Variants in IMMP2L observed in about 807,000 individuals in gnomAD.
The protein encoded by IMMP2L is mitochondrial inner membrane protease subunit 2.
IMMP2L carries 18 observed loss-of-function variants against 19.3 expected under a neutral mutation model. The ratio of observed to expected loss-of-function variants is 0.93; its 90% confidence interval spans 0.64 to 1.38. The LOEUF is 1.38. Ranked by LOEUF, IMMP2L falls within the 40% of genes most tolerant of loss-of-function variation. IMMP2L has a pLI of 0.00. For missense variants in IMMP2L, 233 were observed against 218.2 expected (o/e 1.07, Z -0.43); for synonymous variants, 76 against 73.0 (o/e 1.04, Z -0.21).
Position 110,757,473 on chromosome 7 carries a change from T to A in IMMP2L, c.409-93752A>T, listed in dbSNP as rs1798100907. On this transcript the variant is annotated intron_variant, in intron 5 of 5. Coordinates refer to ENST00000405709, the MANE Select transcript of IMMP2L (RefSeq NM_032549.4). The surrounding 1 kb of genome is among the most constrained non-coding windows in gnomAD (Gnocchi z 4.2). ...ACCAGATACGCTCTCCACATTTCTC[T>A]TGAACTCTTTGTCCCAGGAGGTTAT... Among the ~76,000 whole-genome samples the A allele has an allele frequency of 6.6e-6, 1 of 152,104 alleles. No homozygotes were observed. Among genetic ancestry groups the A allele is most frequent in the Non-Finnish European group, 1.5e-5 (1 of 68,018 alleles).
At chr7:110,964,884 C>T (rs1373396696) in intron 3 of IMMP2L, among the ~76,000 whole-genome samples, 3 of 151,948 alleles carry the variant, frequency 2.0e-5, no homozygotes, top group Admixed American at 1.3e-4. Flanking sequence ...GAAGGAAGGT[C>T]GGCTAACAGT....
intron 5 of IMMP2L, among the ~76,000 whole-genome samples, chr7:110,838,205 C>A (rs1481594818): frequency 6.6e-6 from 1 of 152,032 alleles, no homozygotes; most frequent in Non-Finnish European, 1.5e-5. Context: ...GCATGCACAC[C>A]ACATAAATAC....
intron 4 of IMMP2L, among the ~76,000 whole-genome samples, chr7:110,901,290 T>C (rs1811837060): frequency 6.6e-6 from 1 of 152,138 alleles, no homozygotes; most frequent in African/African-American, 2.4e-5. Context: ...GTATGTATTT[T>C]CAATACATAT....
intron 3 of IMMP2L, among the ~76,000 whole-genome samples, chr7:111,396,684 GATAA>G (rs1204121124): frequency 2.0e-5 from 3 of 151,958 alleles, no homozygotes; most frequent in Non-Finnish European, 4.4e-5. Context: ...AAAAAGAATA[GATAA>G]ATATAGTTAG....
At chr7:111,163,206 C>T (rs891960578) in intron 3 of IMMP2L, among the ~76,000 whole-genome samples, 11 of 152,036 alleles carry the variant, frequency 7.2e-5, no homozygotes, top group African/African-American at 2.7e-4. Flanking sequence ...GAGTGGGCAC[C>T]TTGCTCTAAT....
intron 3 of IMMP2L, among the ~76,000 whole-genome samples, chr7:111,251,003 C>T (rs535994799): frequency 6.6e-6 from 1 of 152,222 alleles, no homozygotes; most frequent in South Asian, 2.1e-4. Context: ...GCAATCTATC[C>T]ATCCGACAAA....
Position 110,811,422 on chromosome 7 carries a change from T to C in IMMP2L, c.408+75171A>G, listed in dbSNP as rs185412183. Among the ~76,000 whole-genome samples, 43 of 152,160 alleles carry C rather than the reference T, an allele frequency of 2.8e-4. No individual in the cohort carries two copies. The East Asian group carries it at 5.8e-3, about 21-fold the overall frequency. ...GTGAGAAATGTGATAAAGGTTCATA[T>C]ATTCATAAACAAATATAAGGGATGG... On this transcript the variant is annotated intron_variant, in intron 5 of 5. Coordinates refer to ENST00000405709, the MANE Select transcript of IMMP2L (RefSeq NM_032549.4).
At chr7:111,332,356 A>G (rs1035740230) in intron 3 of IMMP2L, among the ~76,000 whole-genome samples, 11 of 152,004 alleles carry the variant, frequency 7.2e-5, no homozygotes, top group African/African-American at 2.7e-4. Context: ...CTTTTCAATA[A>G]TTGTGCAGGC....
intron 3 of IMMP2L, among the ~76,000 whole-genome samples, chr7:111,351,273 C>T (rs1032250464): frequency 6.6e-6 from 1 of 152,186 alleles, no homozygotes; most frequent in African/African-American, 2.4e-5. Flanking sequence ...TCACCGCAAC[C>T]TCCGCCTCCT....
At chr7:111,476,315 T>G (rs938144780) in intron 3 of IMMP2L, among the ~76,000 whole-genome samples, 2 of 152,192 alleles carry the variant, frequency 1.3e-5, no homozygotes, top group Non-Finnish European at 2.9e-5. Context: ...ACTTTTTAAA[T>G]TAGTCAATTA....
chr7:111,559,517 G>A (rs1791767089), intron 1 of IMMP2L, among the ~76,000 whole-genome samples: 1 of 152,052 alleles, frequency 6.6e-6, no homozygotes, highest in African/African-American at 2.4e-5. Context: ...CCAAGGCTGT[G>A]GAATGATCTG....
In IMMP2L at chr7:111,100,730, G is replaced by A. The variant is rs189731771; in HGVS notation, c.240-137165C>T. The stretch of plus-strand genomic sequence containing the variant: ...TTTTTGTTTTTGTAATTTTAGAAGT[G>A]TAATGTATGTAAAAATATCATGGTT... On this transcript the variant is annotated intron_variant, in intron 3 of 5. Transcript: ENST00000405709. Among the ~76,000 whole-genome samples the A allele has an allele frequency of 3.3e-5, 5 of 151,384 alleles. No homozygotes were observed. The East Asian group carries it at 5.8e-4, about 18-fold the overall frequency.
chr7:110,683,620 T>A (rs773410334), intron 5 of IMMP2L, among the ~76,000 whole-genome samples: 1 of 152,090 alleles, frequency 6.6e-6, no homozygotes, highest in Non-Finnish European at 1.5e-5. Context: ...ACTCAATCTG[T>A]CCTCTTCAGA....
At chr7:110,958,828 C>T (rs1372084155) in intron 4 of IMMP2L, among the ~76,000 whole-genome samples, 1 of 152,018 alleles carries the variant, frequency 6.6e-6, no homozygotes, top group Admixed American at 6.6e-5. Flanking sequence ...AAGAAGTCAG[C>T]AGTTGGCAGT....
At chr7:110,862,395 A>AGT (rs1182881029) in intron 5 of IMMP2L, among the ~76,000 whole-genome samples, 1 of 151,804 alleles carries the variant, frequency 6.6e-6, no homozygotes, top group Non-Finnish European at 1.5e-5. Context: ...GCTGGAGTGT[A>AGT]GTGGCACAAT....
chr7:111,339,174 G>A (rs1826762672), intron 3 of IMMP2L, among the ~76,000 whole-genome samples: 2 of 152,034 alleles, frequency 1.3e-5, no homozygotes, highest in Non-Finnish European at 2.9e-5. Context: ...GTCACTGGAT[G>A]TCAGAATGTA....
intron 5 of IMMP2L, among the ~76,000 whole-genome samples, chr7:110,673,388 G>T (rs1185027338): frequency 6.6e-6 from 1 of 152,172 alleles, no homozygotes; most frequent in Non-Finnish European, 1.5e-5. Context: ...TGATGGGAGG[G>T]GCTGCCATGA....
intron 3 of IMMP2L, among the ~76,000 whole-genome samples, chr7:111,023,029 G>A (rs2894589): frequency 0.7 from 106,009 of 152,050 alleles, 37,580 homozygotes; most frequent in African/African-American, 0.78. Context: ...CAGTAGAAAA[G>A]AAGTCATACA....
chr7:110,828,160 A>G (rs1006413790), intron 5 of IMMP2L, among the ~76,000 whole-genome samples: 8 of 152,168 alleles, frequency 5.3e-5, no homozygotes, highest in African/African-American at 1.9e-4. Flanking sequence ...TGGTCTCAGA[A>G]AACTATTCTG....
Sources: allele counts gnomAD v4.1 joint callset (sites outside exome capture counted in the v4.1 genomes callset), GRCh38; gene constraint gnomAD v4.1.1; non-coding constraint Gnocchi (gnomAD v3.1); transcripts MANE v1.5; gene names NCBI Gene and HGNC (gene_info 2026-07-23, HGNC 2026-07-21).